Variants in RFX7 observed in about 807,000 individuals in gnomAD.
RFX7 encodes regulatory factor X7, also known as DNA-binding protein RFX7.
A neutral mutation model predicts 111.8 loss-of-function variants in RFX7; 26 were observed. The ratio of observed to expected loss-of-function variants is 0.23; its 90% confidence interval spans 0.17 to 0.32. The LOEUF is 0.32. Ranked by LOEUF, RFX7 falls within the 10% of genes least tolerant of loss-of-function variation. The pLI, the probability that RFX7 is intolerant of heterozygous loss-of-function variation, is 1.00. For missense variants in RFX7, 1,573 were observed against 1,772.9 expected (o/e 0.89, Z 2.02); for synonymous variants, 624 against 624.4 (o/e 1.00, Z 0.01).
rs1391810085 is a variant in RFX7, at chr15:56,103,743, A to G, written c.402-73T>C. On this transcript the variant is annotated intron_variant, in intron 5 of 9. Transcript: ENST00000559447. ...TATCGCAGGGTGCTATTTCAATACA[A>G]TTTGATCCTTCTGACAAAGTGAAGC... 2.9e-5 allele frequency: 25 copies of G among 856,016 alleles called. No individual in the cohort carries two copies. In the Admixed American group the frequency reaches 6.7e-4, roughly 23 times the overall value. The allele number at this position is 856,016 out of a possible 1,614,324, so 53.0% of individuals were successfully genotyped here.
At chr15:56,148,594 G>A (rs751226341) in intron 3 of RFX7, among the ~76,000 whole-genome samples, 1 of 152,148 alleles carries the variant, frequency 6.6e-6, no homozygotes, top group Non-Finnish European at 1.5e-5. Context: ...AAAAAATACT[G>A]ACATAAGAAC....
rs570819323 is a variant in RFX7, at chr15:56,127,412, A to T, written c.401+15366T>A. On this transcript the variant is annotated intron_variant, in intron 5 of 9. Coordinates refer to ENST00000559447, the MANE Select transcript of RFX7 (RefSeq NM_022841.7). ...AATAACCTAATCTTCCAGGTTAAGA[A>T]ACTAGAAACAAAAGAGAAAACTCAC... is the stretch of plus-strand genomic sequence containing the variant. Among the ~76,000 whole-genome samples the T allele has an allele frequency of 3.3e-5, 5 of 151,426 alleles. No individual in the cohort carries two copies. In the East Asian group the frequency reaches 9.8e-4, roughly 30 times the overall value.
intron 2 of RFX7, among the ~76,000 whole-genome samples, chr15:56,225,665 C>A (rs1316649381): frequency 6.6e-6 from 1 of 152,160 alleles, no homozygotes; most frequent in Non-Finnish European, 1.5e-5. Context: ...CTGCCTTCAA[C>A]AGGTGCCTGC....
intron 5 of RFX7, among the ~76,000 whole-genome samples, chr15:56,122,750 C>CAG (rs2042094589): frequency 2.0e-5 from 3 of 151,744 alleles, no homozygotes; most frequent in Non-Finnish European, 4.4e-5. Context: ...AACCACAAGA[C>CAG]AGTCCTTCCC....
upstream of RFX7, chr15:56,244,428 C>G (rs988036238): frequency 1.3e-5 from 2 of 152,344 alleles, no homozygotes; most frequent in Non-Finnish European, 2.9e-5. Flanking sequence ...CCCTCCAAAT[C>G]TGGCCCCACT....
At chr15:56,212,565 A>G (rs2043323660) in intron 2 of RFX7, among the ~76,000 whole-genome samples, 1 of 152,192 alleles carries the variant, frequency 6.6e-6, no homozygotes, top group Non-Finnish European at 1.5e-5. Context: ...ACTCTAATGT[A>G]GGATGTTGAT....
chr15:56,159,843 G>A (rs754354877), intron 3 of RFX7, among the ~76,000 whole-genome samples: 7 of 152,108 alleles, frequency 4.6e-5, no homozygotes, highest in Non-Finnish European at 7.4e-5. Flanking sequence ...AGATGGTAAG[G>A]AACTATGTTT....
chr15:56,206,119 C>A (rs1263329807), intron 2 of RFX7, among the ~76,000 whole-genome samples: 1 of 151,960 alleles, frequency 6.6e-6, no homozygotes, highest in African/African-American at 2.4e-5. Flanking sequence ...CAGACTAGAA[C>A]AGACCTTTGT....
intron 5 of RFX7, among the ~76,000 whole-genome samples, chr15:56,107,296 CAAAAAAAAA>C (rs56077181): frequency 1.2e-4 from 4 of 32,136 alleles, no homozygotes; most frequent in South Asian, 4.3e-3. Context: ...GACTCCGTCT[CAAAAAAAAA>C]AAAAAAAAAA....
At chr15:56,203,023 T>TC (rs1223777136) in intron 2 of RFX7, among the ~76,000 whole-genome samples, 1 of 151,780 alleles carries the variant, frequency 6.6e-6, no homozygotes, top group Non-Finnish European at 1.5e-5. Context: ...ATATCTGCCC[T>TC]CCCCCCACCA....
chr15:56,199,496 CT>C (rs2043174611), intron 2 of RFX7, among the ~76,000 whole-genome samples: 1 of 152,098 alleles, frequency 6.6e-6, no homozygotes, highest in Non-Finnish European at 1.5e-5. Context: ...TAGCCTCAAT[CT>C]ATATGCCTTC....
intron 3 of RFX7, among the ~76,000 whole-genome samples, chr15:56,152,240 C>T (rs1206306198): frequency 2.0e-5 from 3 of 152,188 alleles, no homozygotes; most frequent in African/African-American, 7.2e-5. Context: ...CCCAAATCAA[C>T]AGAGTATACA....
At chr15:56,189,012 T>C (rs1304963429) in intron 2 of RFX7, among the ~76,000 whole-genome samples, 1 of 151,952 alleles carries the variant, frequency 6.6e-6, no homozygotes, top group Non-Finnish European at 1.5e-5. Flanking sequence ...AGAGATGGGG[T>C]TTTCCCATGT....
intron 5 of RFX7, among the ~76,000 whole-genome samples, chr15:56,140,516 T>C (rs2042377302): frequency 6.6e-6 from 1 of 152,194 alleles, no homozygotes; most frequent in South Asian, 2.1e-4. Context: ...GCCCACTGTC[T>C]GGCACTCCCT....
At chr15:56,138,867 G>A (rs868383410) in intron 5 of RFX7, among the ~76,000 whole-genome samples, 132 of 151,968 alleles carry the variant, frequency 8.7e-4, no homozygotes, top group Middle Eastern at 3.4e-3. Flanking sequence ...TTTCTCCTTC[G>A]CTTATGAAGC....
intron 2 of RFX7, among the ~76,000 whole-genome samples, chr15:56,241,023 A>T (rs187341290): frequency 4.6e-5 from 7 of 152,112 alleles, no homozygotes; most frequent in African/African-American, 1.7e-4. Context: ...TATTATCTAC[A>T]AATGTTGTTT....
intron 5 of RFX7, among the ~76,000 whole-genome samples, chr15:56,124,666 A>G (rs2042120358): frequency 6.6e-6 from 1 of 152,170 alleles, no homozygotes; most frequent in East Asian, 1.9e-4. Flanking sequence ...CTTTTGAGAA[A>G]TGTCTACTCA....
In RFX7 at chr15:56,243,785, ACGC is replaced by A. The variant is rs571456764; in HGVS notation, c.-346_-344del. Reference sequence around the variant, plus strand: ...CAGGCACCGCTCCACGCCACTCCCCACGCCGCCGCCGCCGCCGCCGCTCGCTCC... The same window carrying A: ...CAGGCACCGCTCCACGCCACTCCCCACGCCGCCGCCGCCGCCGCTCGCTCC... On this transcript the variant is annotated 5_prime_UTR_variant, in exon 1 of 10. Transcript: ENST00000559447. Among the ~76,000 whole-genome samples the A allele has an allele frequency of 1.9e-3, 273 of 147,466 alleles. No individual in the cohort carries two copies. Among genetic ancestry groups the A allele is most frequent in the Non-Finnish European group, 2.6e-3 (175 of 66,242 alleles).
chr15:56,191,512 A>G (rs2141163428), intron 2 of RFX7, among the ~76,000 whole-genome samples: 1 of 152,316 alleles, frequency 6.6e-6, no homozygotes, highest in East Asian at 1.9e-4. Context: ...TGCACTTTAT[A>G]AAAGCAGATA....
Sources: allele counts gnomAD v4.1 joint callset (sites outside exome capture counted in the v4.1 genomes callset), GRCh38; gene constraint gnomAD v4.1.1; transcripts MANE v1.5; gene names NCBI Gene and HGNC (gene_info 2026-07-23, HGNC 2026-07-21).